The following RHOG variants were observed in gnomAD, a reference collection of about 807,000 sequenced individuals.
RHOG encodes rho-related GTP-binding protein RhoG.
A neutral mutation model predicts 12.3 loss-of-function variants in RHOG; 1 was observed. The ratio of observed to expected loss-of-function variants is 0.08; its 90% CI spans 0.03 to 0.39. The LOEUF is 0.39. Among genes scored for constraint, RHOG ranks in the 10% least tolerant of loss-of-function variants. The pLI is 0.99. For missense variants in RHOG, 114 were observed against 266.2 expected (o/e 0.43, Z 3.98); for synonymous variants, 129 against 116.0 (o/e 1.11, Z -0.72).
chr11:3,829,763 T>C (rs1362715469), intron 1 of RHOG, among the ~76,000 whole-genome samples: 1 of 151,974 alleles, frequency 6.6e-6, no homozygotes, highest in Non-Finnish European at 1.5e-5. Flanking sequence ...TTTTTCTTTT[T>C]TGAGACGGAG....
At chr11:3,829,804 T>C in intron 1 of RHOG, among the ~76,000 whole-genome samples, 1 of 151,942 alleles carries the variant, frequency 6.6e-6, no homozygotes, top group East Asian at 1.9e-4. Context: ...TGGAGTGTAG[T>C]GGCGCAATCT....
intron 1 of RHOG, among the ~76,000 whole-genome samples, chr11:3,833,868 T>C (rs2135137961): frequency 6.6e-6 from 1 of 152,344 alleles, no homozygotes; most frequent in Non-Finnish European, 1.5e-5. Context: ...CTCCCTTCTC[T>C]AATCTTCCTT....
Position 3,827,587 on chromosome 11 carries a change from A to G in RHOG, c.552T>C (p.Arg184=). The change falls in exon 2 of 2, where the codon CGT becomes CGC. Residue 184 remains arginine (R), a synonymous_variant. Coordinates refer to ENST00000351018, the MANE Select transcript of RHOG (RefSeq NM_001665.4). This position sits in a 1 kb window ranked among gnomAD's most constrained non-coding sequence, Gnocchi z 7.3. Reference sequence around the variant, plus strand: ...GTCACAAGAGGATGCAGGACCGCCCACGCTTGATCGGCGTGGGGTTGAGCA... The same window carrying G: ...GTCACAAGAGGATGCAGGACCGCCCGCGCTTGATCGGCGTGGGGTTGAGCA... ...RAVLNPTPIK[R]GRSCILL The G allele has an allele frequency of 5.0e-6, 8 of 1,608,732 alleles. No homozygotes were observed. The highest frequency in any genetic ancestry group is 6.8e-6 in the Non-Finnish European group (8 of 1,179,798).
intron 1 of RHOG, among the ~76,000 whole-genome samples, chr11:3,832,126 G>A (rs1044009345): frequency 6.6e-6 from 1 of 152,114 alleles, no homozygotes; most frequent in Admixed American, 6.5e-5. Context: ...TGACTCTGAT[G>A]TCTTGAGTTT....
intron 1 of RHOG, among the ~76,000 whole-genome samples, chr11:3,831,204 G>A (rs554092469): frequency 4.9e-4 from 75 of 152,200 alleles, no homozygotes; most frequent in African/African-American, 1.8e-3. Flanking sequence ...AAAAATCAAT[G>A]ACAAGTGGGG....
At chr11:3,828,622 ATTTT>A (rs755612599) in intron 1 of RHOG, among the ~76,000 whole-genome samples, 6 of 125,750 alleles carry the variant, frequency 4.8e-5, no homozygotes, top group Non-Finnish European at 8.2e-5. Flanking sequence ...AGTATTAGCT[ATTTT>A]TTTTTTTTTT....
At chr11:3,828,424 CCAGA>C (rs1565081664) in intron 1 of RHOG, among the ~76,000 whole-genome samples, 2 of 152,142 alleles carry the variant, frequency 1.3e-5, no homozygotes, top group Non-Finnish European at 2.9e-5. Context: ...AACTCTGGCG[CCAGA>C]CAAACTAAGG....
intron 1 of RHOG, among the ~76,000 whole-genome samples, chr11:3,834,226 C>G (rs1343565812): frequency 1.3e-5 from 2 of 152,144 alleles, no homozygotes; most frequent in East Asian, 3.8e-4. Context: ...CCCATGGCCA[C>G]CCCTTTTAAC....
At chr11:3,837,362 C>G (rs765500451) in intron 1 of RHOG, among the ~76,000 whole-genome samples, 1 of 152,196 alleles carries the variant, frequency 6.6e-6, no homozygotes, top group Non-Finnish European at 1.5e-5. Context: ...CATTCTCTGC[C>G]TTCTTATCTC....
At position 3,827,918 on chromosome 11, in the gene RHOG, T is replaced by A. The variant is rs1214629864; in HGVS notation, c.221A>T (p.Gln74Leu). The A allele has an allele frequency of 6.2e-7, 1 of 1,614,246 alleles. No homozygotes were observed. The highest frequency in any genetic ancestry group is 1.7e-5 in the Admixed American group (1 of 60,028). Reference protein sequence around the residue: ...YDRLRTLSYPQTNVFVICFSI... With the variant: ...YDRLRTLSYPLTNVFVICFSI... ...GAAACAGATGACGAAAACGTTGGTC[T>A]GAGGGTAGGAGAGTGTACGGAGGCG... Residue 74 changes from glutamine to leucine, a missense_variant, in exon 2 of 2, where the codon CAG becomes CTG. This residue lies in a region of RHOG where 53 missense variants were observed against 164.8 expected (regional missense o/e 0.32). Coordinates refer to ENST00000351018, the MANE Select transcript of RHOG (RefSeq NM_001665.4). This position sits in a 1 kb window ranked among gnomAD's most constrained non-coding sequence, Gnocchi z 7.3.
chr11:3,832,974 G>C (rs1046709984), intron 1 of RHOG, among the ~76,000 whole-genome samples: 1 of 152,032 alleles, frequency 6.6e-6, no homozygotes. Flanking sequence ...AAGGGTTGTA[G>C]TGTGTACACT....
At chr11:3,834,447 C>A (rs1198484251) in intron 1 of RHOG, among the ~76,000 whole-genome samples, 2 of 152,208 alleles carry the variant, frequency 1.3e-5, no homozygotes, top group African/African-American at 4.8e-5. Context: ...AGAGACTTCT[C>A]TGAAGCCCAG....
chr11:3,834,354 T>C (rs529869104), intron 1 of RHOG, among the ~76,000 whole-genome samples: 1 of 152,060 alleles, frequency 6.6e-6, no homozygotes, highest in Non-Finnish European at 1.5e-5. Flanking sequence ...AAAAAAAACC[T>C]CTAAGTATAG....
intron 1 of RHOG, among the ~76,000 whole-genome samples, chr11:3,838,077 G>A (rs748855612): frequency 8.5e-5 from 13 of 152,184 alleles, no homozygotes; most frequent in Non-Finnish European, 1.2e-4. Context: ...CTCTTGTCAC[G>A]GACCCCTACT....
At chr11:3,836,445 A>G (rs1322884765) in intron 1 of RHOG, among the ~76,000 whole-genome samples, 1 of 151,832 alleles carries the variant, frequency 6.6e-6, no homozygotes, top group Non-Finnish European at 1.5e-5. Flanking sequence ...AGAGGATCCT[A>G]CATTGCAGCA....
At chr11:3,835,293 C>A (rs2090150051) in intron 1 of RHOG, among the ~76,000 whole-genome samples, 2 of 152,170 alleles carry the variant, frequency 1.3e-5, no homozygotes, top group South Asian at 4.1e-4. Context: ...ATGCGACTCA[C>A]CCCCCTTCAG....
At chr11:3,834,562 C>A (rs1360994832) in intron 1 of RHOG, among the ~76,000 whole-genome samples, 1 of 152,230 alleles carries the variant, frequency 6.6e-6, no homozygotes. Context: ...GCAAAAATCT[C>A]TCTTCCCAGT....
In RHOG at chr11:3,839,602, A is replaced by AACACAC. The variant is rs112483411; in HGVS notation, c.-69+1286_-69+1291dup. ...ACACGCGCGTGCGAACACACACGCA[A>AACACAC]ACACACACACACACACACACACACA... On this transcript the variant is annotated intron_variant, in intron 1 of 1. Coordinates refer to ENST00000351018, the MANE Select transcript of RHOG (RefSeq NM_001665.4). Among the ~76,000 whole-genome samples, 1,361 of 141,680 alleles carry AACACAC rather than the reference A, an allele frequency of 9.6e-3. 23 individuals are homozygous for AACACAC. Among genetic ancestry groups the AACACAC allele is most frequent in the African/African-American group, 0.029 (1,103 of 38,188 alleles). 92.9% of individuals were successfully genotyped at this position (141,680 alleles called of 152,430 possible). A position where few individuals can be genotyped will look rare whatever the true frequency, so the allele number is the denominator to read the frequency against.
At position 3,829,248 on chromosome 11, in the gene RHOG, AAT is replaced by A. The variant is rs368898587; in HGVS notation, c.-68-1044_-68-1043del. ...ATCCAGGGTATTCTGGCAATGGGGA[AAT>A]TTTTTTTTTTTTTTTTTTTTGAGAT... On this transcript the variant is annotated intron_variant, in intron 1 of 1. Transcript: ENST00000351018. Among the ~76,000 whole-genome samples, 404 of 95,270 alleles carry A rather than the reference AAT, an allele frequency of 4.2e-3. 6 individuals are homozygous for A. The highest frequency in any genetic ancestry group is 0.021 in the Middle Eastern group (3 of 142). The allele number at this position is 95,270 out of a possible 152,430, so 62.5% of individuals were successfully genotyped here. A position where few individuals can be genotyped will look rare whatever the true frequency, so the allele number is the denominator to read the frequency against.
Sources: allele counts gnomAD v4.1 joint callset (sites outside exome capture counted in the v4.1 genomes callset), GRCh38; gene constraint gnomAD v4.1.1; regional missense constraint gnomAD v4.1.1; non-coding constraint Gnocchi (gnomAD v3.1); transcripts MANE v1.5; gene names NCBI Gene and HGNC (gene_info 2026-07-23, HGNC 2026-07-21).